Variants in AK5 observed in about 807,000 individuals in gnomAD.
AK5 encodes adenylate kinase isoenzyme 5.
In AK5, 27 loss-of-function variants were observed where a neutral mutation model predicts 69.5. The observed-to-expected ratio is 0.39, with a 90% CI of 0.29 to 0.54. The LOEUF is 0.54. AK5 is among the 20% of genes least tolerant of loss of function. The pLI is 0.71. For synonymous variants in AK5, 260 were observed against 244.4 expected (o/e 1.06, Z -0.60); for missense variants, 531 against 700.4 (o/e 0.76, Z 2.73).
chr1:77,490,665 G>A (rs1257425219), intron 10 of AK5, among the ~76,000 whole-genome samples: 1 of 151,990 alleles, frequency 6.6e-6, no homozygotes, highest in African/African-American at 2.4e-5. Flanking sequence ...AATCACTTCT[G>A]AAAACTGAAA....
In AK5 at chr1:77,385,255, G is replaced by T. The variant is rs1647935511; in HGVS notation, c.892-25726G>T. Among the ~76,000 whole-genome samples, 3 of 152,192 alleles carry T rather than the reference G, an allele frequency of 2.0e-5. No homozygotes were observed. In the South Asian group the frequency reaches 6.2e-4, roughly 32 times the overall value. ...GCTCACTGCAAGCTCCGCCTCCCGG[G>T]TTCACGCCATTCTCCTGCCTCAGCC... On this transcript the variant is annotated intron_variant, in intron 6 of 13. Transcript: ENST00000354567.
At chr1:77,297,514 C>T (rs1278049708) in intron 3 of AK5, 45 bp from the exon 4 acceptor site, 2 of 1,529,584 alleles carry the variant, frequency 1.3e-6, no homozygotes, top group South Asian at 1.3e-5. Flanking sequence ...AAGGGAGGTC[C>T]TTATTGTATC....
intron 13 of AK5, among the ~76,000 whole-genome samples, chr1:77,545,517 TAAC>T (rs1303272692): frequency 1.3e-5 from 2 of 152,256 alleles, no homozygotes; most frequent in Admixed American, 1.3e-4. Flanking sequence ...TACCTACTAC[TAAC>T]AACGATGCAG....
At chr1:77,296,226 T>C (rs1658995443) in intron 3 of AK5, among the ~76,000 whole-genome samples, 1 of 152,180 alleles carries the variant, frequency 6.6e-6, no homozygotes, top group Non-Finnish European at 1.5e-5. Flanking sequence ...CTGCAGAATT[T>C]TTTTAAAGCT....
chr1:77,379,478 G>T (rs534022835), intron 6 of AK5, among the ~76,000 whole-genome samples: 1 of 152,298 alleles, frequency 6.6e-6, no homozygotes, highest in South Asian at 2.1e-4. Flanking sequence ...GATTTAAAGG[G>T]CCACTGGTTG....
chr1:77,443,512 G>GA (rs1206932789), intron 8 of AK5, among the ~76,000 whole-genome samples: 7 of 152,262 alleles, frequency 4.6e-5, no homozygotes, highest in African/African-American at 1.7e-4. Flanking sequence ...GACCATCCAG[G>GA]AAGTATTTCT....
intron 6 of AK5, among the ~76,000 whole-genome samples, chr1:77,367,484 T>A (rs1363422554): frequency 8.4e-6 from 1 of 118,922 alleles, no homozygotes; most frequent in Admixed American, 9.1e-5. Flanking sequence ...ACCTGGCTAG[T>A]TTTTTTTTGT....
chr1:77,531,067 C>T (rs138683234), intron 12 of AK5, among the ~76,000 whole-genome samples: 1 of 152,208 alleles, frequency 6.6e-6, no homozygotes, highest in African/African-American at 2.4e-5. Flanking sequence ...AGAATGAAGC[C>T]GTGGACCCTC....
rs1035759222 is a variant in AK5, at chr1:77,291,326, C to T, written c.248-2467C>T. On this transcript the variant is annotated intron_variant, in intron 2 of 13. Transcript: ENST00000354567. ...AGATCTGGCCATCCATTTCCATTTC[C>T]CCTGCTGCCACTCTAGCCTAAGCCT... is the stretch of plus-strand genomic sequence containing the variant. 5.3e-5 allele frequency among the ~76,000 whole-genome samples: 8 copies of T among 152,266 alleles called. No homozygotes were observed. In the East Asian group the frequency reaches 1.5e-3, roughly 29 times the overall value.
At chr1:77,497,654 C>G (rs1656425177) in intron 10 of AK5, among the ~76,000 whole-genome samples, 1 of 152,230 alleles carries the variant, frequency 6.6e-6, no homozygotes, top group African/African-American at 2.4e-5. Flanking sequence ...GTGGTGCAAT[C>G]ATGGCTCACT....
intron 12 of AK5, among the ~76,000 whole-genome samples, chr1:77,525,003 T>C (rs992707422): frequency 2.0e-5 from 3 of 152,156 alleles, no homozygotes; most frequent in African/African-American, 7.2e-5. Flanking sequence ...ACCTACCAGG[T>C]TCAAGCAATT....
intron 5 of AK5, 77 bp downstream of exon 5, chr1:77,298,024 G>A (rs1659112037): frequency 9.6e-7 from 1 of 1,037,304 alleles, no homozygotes; most frequent in African/African-American, 1.6e-5. Flanking sequence ...AAGACTTCTT[G>A]GAAGACTTGC....
intron 8 of AK5, among the ~76,000 whole-genome samples, chr1:77,452,328 G>A (rs1267876358): frequency 1.3e-5 from 2 of 152,124 alleles, no homozygotes; most frequent in Non-Finnish European, 2.9e-5. Flanking sequence ...ATAAATGCCT[G>A]TGGAATTATG....
At chr1:77,339,261 T>C (rs1661524273) in intron 5 of AK5, among the ~76,000 whole-genome samples, 1 of 152,226 alleles carries the variant, frequency 6.6e-6, no homozygotes, top group South Asian at 2.1e-4. Flanking sequence ...ACTTTGGAGA[T>C]TATTGCTTCA....
At chr1:77,518,000 C>T (rs1657764885) in intron 10 of AK5, among the ~76,000 whole-genome samples, 1 of 152,198 alleles carries the variant, frequency 6.6e-6, no homozygotes, top group Non-Finnish European at 1.5e-5. Context: ...AAGAGGCATC[C>T]AATTAGCAAC....
At chr1:77,400,477 G>A (rs1344225308) in intron 6 of AK5, among the ~76,000 whole-genome samples, 1 of 152,156 alleles carries the variant, frequency 6.6e-6, no homozygotes, top group East Asian at 1.9e-4. Flanking sequence ...TGCAGTGTGT[G>A]GCACATAGTA....
intron 1 of AK5, chr1:77,283,065 G>T: frequency 2.0e-6 from 2 of 985,608 alleles, no homozygotes; most frequent in South Asian, 9.4e-5. Context: ...GGAGCTGCGA[G>T]GGGGGCGGAC....
At chr1:77,347,097 G>A (rs1661956140) in intron 6 of AK5, among the ~76,000 whole-genome samples, 1 of 152,100 alleles carries the variant, frequency 6.6e-6, no homozygotes, top group Admixed American at 6.5e-5. Context: ...GAAAATAGTC[G>A]AGGAAGAGTT....
intron 6 of AK5, among the ~76,000 whole-genome samples, chr1:77,404,639 G>A (rs10493605): frequency 0.1 from 15,532 of 152,178 alleles, 827 homozygotes; most frequent in Middle Eastern, 0.2. Context: ...CCACTCTGGA[G>A]TTGTAGAAGT....
Sources: gnomAD v4.1 joint callset for allele counts (sites outside exome capture counted in the v4.1 genomes callset) on GRCh38, gnomAD v4.1.1 for gene constraint, MANE v1.5 for transcripts, NCBI Gene and HGNC (gene_info 2026-07-23, HGNC 2026-07-21) for gene names.